The following PIK3CB variants were observed in gnomAD, a reference collection of about 807,000 sequenced individuals.
PIK3CB encodes the protein phosphatidylinositol-4,5-bisphosphate 3-kinase catalytic subunit beta, also known as phosphatidylinositol 4,5-bisphosphate 3-kinase catalytic subunit beta isoform.
In PIK3CB, 39 loss-of-function variants were observed where a neutral mutation model predicts 136.8. That is an observed-to-expected ratio of 0.29 (90% CI 0.22 to 0.37). The LOEUF is 0.37. Ranked by LOEUF, PIK3CB falls within the 10% of genes least tolerant of loss-of-function variation. The probability of loss-of-function intolerance (pLI) is 1.00; values close to 1 mark genes in which losing one functional copy is unlikely to be tolerated. For missense variants in PIK3CB, 868 were observed against 1,275.4 expected (o/e 0.68, Z 4.87); for synonymous variants, 428 against 436.6 (o/e 0.98, Z 0.25).
At chr3:138,814,889 G>A (rs1576428847) in intron 1 of PIK3CB, among the ~76,000 whole-genome samples, 1 of 151,952 alleles carries the variant, frequency 6.6e-6, no homozygotes, top group Non-Finnish European at 1.5e-5. Context: ...TATAATCCCA[G>A]CACTTTGAGA....
chr3:138,808,320 T>TA (rs2046256008), intron 1 of PIK3CB, among the ~76,000 whole-genome samples: 1 of 152,136 alleles, frequency 6.6e-6, no homozygotes, highest in Non-Finnish European at 1.5e-5. Flanking sequence ...ACCTCTCATG[T>TA]AATATGTAAA....
chr3:138,715,864 TAATA>T (rs563592590), intron 8 of PIK3CB, among the ~76,000 whole-genome samples: 96 of 152,024 alleles, frequency 6.3e-4, no homozygotes, highest in African/African-American at 2.2e-3. Flanking sequence ...ATGACTGACT[TAATA>T]AATAATATTC....
chr3:138,762,732 T>C (rs755678299), intron 2 of PIK3CB, among the ~76,000 whole-genome samples: 16 of 152,026 alleles, frequency 1.1e-4, no homozygotes, highest in Admixed American at 3.3e-4. Flanking sequence ...CCGAAGCAAG[T>C]GGAGTGCTTG....
chr3:138,821,415 G>A (rs1036940397), intron 1 of PIK3CB, among the ~76,000 whole-genome samples: 4 of 151,868 alleles, frequency 2.6e-5, no homozygotes, highest in Admixed American at 1.3e-4. Context: ...GGACCATCAT[G>A]TACAAATTAC....
At chr3:138,788,264 A>G (rs1352287301) in intron 2 of PIK3CB, among the ~76,000 whole-genome samples, 1 of 152,160 alleles carries the variant, frequency 6.6e-6, no homozygotes, top group East Asian at 1.9e-4. Context: ...GTAGCAGAGC[A>G]TAAGGATTTG....
At chr3:138,787,227 G>A (rs1349056247) in intron 2 of PIK3CB, among the ~76,000 whole-genome samples, 4 of 152,022 alleles carry the variant, frequency 2.6e-5, no homozygotes, top group South Asian at 2.1e-4. Flanking sequence ...ATAGCTGGGC[G>A]TGGTGGCAGG....
intron 1 of PIK3CB, among the ~76,000 whole-genome samples, chr3:138,807,630 A>C (rs149447524): frequency 3.9e-4 from 60 of 152,144 alleles, no homozygotes; most frequent in African/African-American, 1.4e-3. Context: ...CAGTAGCTCA[A>C]ACCTATAATC....
chr3:138,790,575 C>T (rs1238995394), intron 2 of PIK3CB, among the ~76,000 whole-genome samples: 1 of 148,866 alleles, frequency 6.7e-6, no homozygotes, highest in East Asian at 2.0e-4. Context: ...GAGGCCGAAG[C>T]GGGCAGATCA....
intron 10 of PIK3CB, among the ~76,000 whole-genome samples, chr3:138,709,686 T>C (rs2044454784): frequency 6.6e-6 from 1 of 152,142 alleles, no homozygotes; most frequent in Non-Finnish European, 1.5e-5. Flanking sequence ...ATCATACATT[T>C]TCTCAGAGAG....
chr3:138,733,447 GAATAA>G lies in PIK3CB; in HGVS notation c.973-14_973-10del. ...TTATTTTCCCAAACATGCTGTAAAA[GAATAA>G]AATAAATACAAATTATTTTAATGAA... On this transcript the variant is annotated splice_polypyrimidine_tract_variant and intron_variant, in intron 7 of 23. Coordinates refer to ENST00000674063, the MANE Select transcript of PIK3CB (RefSeq NM_006219.3). 7.4e-7 allele frequency: 1 copy of G among 1,354,940 alleles called. No homozygotes were observed. The highest frequency in any genetic ancestry group is 1.0e-6 in the Non-Finnish European group (1 of 954,704). The allele number at this position is 1,354,940 out of a possible 1,614,324, so 83.9% of individuals were successfully genotyped here.
At chr3:138,665,758 C>T (rs571483158) in intron 19 of PIK3CB, among the ~76,000 whole-genome samples, 21 of 152,082 alleles carry the variant, frequency 1.4e-4, no homozygotes, top group Non-Finnish European at 2.6e-4. Context: ...TTTTTTGACA[C>T]AGGGTTTGGC....
intron 1 of PIK3CB, among the ~76,000 whole-genome samples, chr3:138,803,039 T>C (rs1275632804): frequency 2.0e-5 from 3 of 152,232 alleles, no homozygotes; most frequent in Non-Finnish European, 4.4e-5. Flanking sequence ...ATAAAAGATA[T>C]AGTCAAACCT....
In PIK3CB at chr3:138,684,908, C is replaced by A. The variant is rs1055791658; in HGVS notation, c.2137-105G>T. On this transcript the variant is annotated intron_variant, in intron 16 of 23. Coordinates refer to ENST00000674063, the MANE Select transcript of PIK3CB (RefSeq NM_006219.3). ...ACCTGCTCCCAACATATACACATAA[C>A]CATAAACACACATAACCAGCTGAAG... The A allele has an allele frequency of 1.3e-5, 9 of 684,940 alleles. No individual in the cohort carries two copies. The African/African-American group carries it at 1.7e-4, about 13-fold the overall frequency. The allele number at this position is 684,940 out of a possible 1,614,324, so 42.4% of individuals were successfully genotyped here. A position where few individuals can be genotyped will look rare whatever the true frequency, so the allele number is the denominator to read the frequency against.
At chr3:138,751,604 TA>T (rs1439276840) in intron 4 of PIK3CB, among the ~76,000 whole-genome samples, 2 of 152,136 alleles carry the variant, frequency 1.3e-5, no homozygotes, top group African/African-American at 4.8e-5. Context: ...GTAAAATTTA[TA>T]GTCAAATATA....
intron 4 of PIK3CB, among the ~76,000 whole-genome samples, chr3:138,747,067 T>C (rs58240244): frequency 1.9e-3 from 55 of 28,772 alleles, no homozygotes; most frequent in African/African-American, 8.0e-3. Flanking sequence ...TATATATATA[T>C]ATATATATAT....
At chr3:138,703,060 T>TG (rs1272560929) in intron 12 of PIK3CB, among the ~76,000 whole-genome samples, 1 of 152,140 alleles carries the variant, frequency 6.6e-6, no homozygotes, top group Non-Finnish European at 1.5e-5. Context: ...CACAAAACTT[T>TG]GGGAAAAAAG....
chr3:138,778,225 A>G, intron 2 of PIK3CB: 3 of 452,948 alleles, frequency 6.6e-6, no homozygotes, highest in South Asian at 3.1e-5. Context: ...TGTAATGGGC[A>G]TGAACCATGA....
intron 2 of PIK3CB, among the ~76,000 whole-genome samples, chr3:138,764,364 T>C (rs997998172): frequency 8.0e-5 from 12 of 150,512 alleles, no homozygotes; most frequent in African/African-American, 2.9e-4. Flanking sequence ...GGCAGGAGGA[T>C]CACTTGAGCC....
In PIK3CB at chr3:138,749,880, TTTTG is replaced by T. The variant is rs201134024; in HGVS notation, c.397+5870_397+5873del. ...TTTGAGGTACAATGTGATAGAGTTTTTTTGTTTGTTTGAGACAGGGTCTCACTCT... is the reference window on the plus strand; with the variant it reads ...TTTGAGGTACAATGTGATAGAGTTTTTTTGTTTGAGACAGGGTCTCACTCT... On this transcript the variant is annotated intron_variant, in intron 4 of 23. Coordinates refer to ENST00000674063, the MANE Select transcript of PIK3CB (RefSeq NM_006219.3). Among the ~76,000 whole-genome samples, 228 of 152,320 alleles carry T rather than the reference TTTTG, an allele frequency of 1.5e-3. 6 individuals are homozygous for T. In the East Asian group the frequency reaches 0.034, roughly 23 times the overall value.
Sources: allele counts gnomAD v4.1 joint callset (sites outside exome capture counted in the v4.1 genomes callset), GRCh38; gene constraint gnomAD v4.1.1; transcripts MANE v1.5; gene names NCBI Gene and HGNC (gene_info 2026-07-23, HGNC 2026-07-21).